Variants in EPB41L4A observed in about 807,000 individuals in gnomAD.
The protein encoded by EPB41L4A is band 4.1-like protein 4A.
In EPB41L4A, 100 loss-of-function variants were observed where a neutral mutation model predicts 108.6. The observed-to-expected ratio is 0.92, with a 90% CI of 0.78 to 1.09. The LOEUF (loss-of-function observed/expected upper bound fraction) is 1.09. EPB41L4A is among the 50% of genes least tolerant of loss of function. The pLI is 0.00. For synonymous variants in EPB41L4A, 319 were observed against 289.0 expected (o/e 1.10, Z -1.05); for missense variants, 1,030 against 842.7 (o/e 1.22, Z -2.75).
chr5:112,284,435 G>C (rs962101517), intron 2 of EPB41L4A, among the ~76,000 whole-genome samples: 2 of 152,150 alleles, frequency 1.3e-5, no homozygotes, highest in Non-Finnish European at 2.9e-5. Context: ...TGCATAGCCA[G>C]ATGGTCACGA....
chr5:112,296,102 C>G (rs1255757461), intron 2 of EPB41L4A, among the ~76,000 whole-genome samples: 1 of 152,078 alleles, frequency 6.6e-6, no homozygotes, highest in African/African-American at 2.4e-5. Context: ...ATGTTGGAGA[C>G]TTTCCATAAG....
chr5:112,157,004 G>A (rs1198774392), intron 12 of EPB41L4A, among the ~76,000 whole-genome samples: 4 of 152,132 alleles, frequency 2.6e-5, no homozygotes, highest in African/African-American at 7.2e-5. Flanking sequence ...TGGTGATATG[G>A]ATGTGGGAGG....
In EPB41L4A at chr5:112,170,959, T is replaced by A. The variant is rs779599281; in HGVS notation, c.1656A>T (p.Leu552Phe). The A allele has an allele frequency of 2.0e-5, 32 of 1,613,646 alleles. No homozygotes were observed. Among genetic ancestry groups the A allele is most frequent in the Non-Finnish European group, 2.6e-5 (31 of 1,179,548 alleles). Residue 552 changes from leucine to phenylalanine, a missense_variant, in exon 19 of 23, where the codon TTA becomes TTT. Physicochemically the swap from Leu to Phe is conservative, Grantham distance 22 (BLOSUM62 0). Transcript: ENST00000261486. Reference protein sequence around the residue: ...RSPDIQAKEELWKHIQKELVD... With the variant: ...RSPDIQAKEEFWKHIQKELVD... ...CTATTACTCACTGAATGTGCTTCCA[T>A]AACTCTTCTTTTGCTTGGATATCGG...
intron 1 of EPB41L4A, among the ~76,000 whole-genome samples, chr5:112,366,782 G>T (rs2112516478): frequency 6.6e-6 from 1 of 152,266 alleles, no homozygotes; most frequent in East Asian, 1.9e-4. Flanking sequence ...GTGCACTGCA[G>T]GAGGAAGGGC....
chr5:112,218,821 G>T (rs1051203949), intron 12 of EPB41L4A, among the ~76,000 whole-genome samples: 4 of 151,986 alleles, frequency 2.6e-5, no homozygotes, highest in African/African-American at 9.7e-5. Context: ...CTCACTAAAA[G>T]AATTTTGAAA....
intron 1 of EPB41L4A, among the ~76,000 whole-genome samples, chr5:112,313,317 C>T (rs575103341): frequency 3.8e-4 from 58 of 152,256 alleles, no homozygotes; most frequent in African/African-American, 1.1e-3. Flanking sequence ...GTAGGGTGGG[C>T]GCGGTGGCTC....
intron 1 of EPB41L4A, among the ~76,000 whole-genome samples, chr5:112,320,151 C>CA (rs1755681449): frequency 6.6e-6 from 1 of 152,192 alleles, no homozygotes; most frequent in African/African-American, 2.4e-5. Context: ...TTCTTCCACC[C>CA]AATAGAACTC....
chr5:112,279,942 C>T (rs900530817), intron 3 of EPB41L4A, among the ~76,000 whole-genome samples: 1 of 150,060 alleles, frequency 6.7e-6, no homozygotes, highest in African/African-American at 2.5e-5. Context: ...TGCAGCCCAC[C>T]TACCACCCCC....
At chr5:112,292,918 C>T (rs1469263347) in intron 2 of EPB41L4A, among the ~76,000 whole-genome samples, 3 of 151,972 alleles carry the variant, frequency 2.0e-5, no homozygotes, top group Non-Finnish European at 2.9e-5. Flanking sequence ...CTGATTTAAC[C>T]GGGGAGAAGG....
chr5:112,255,503 C>T (rs973352675), intron 9 of EPB41L4A, among the ~76,000 whole-genome samples: 12 of 152,126 alleles, frequency 7.9e-5, no homozygotes, highest in African/African-American at 2.9e-4. Flanking sequence ...TCCTACATTC[C>T]TAAATTCAGT....
chr5:112,372,481 G>T (rs10478081), intron 1 of EPB41L4A, among the ~76,000 whole-genome samples: 8,352 of 152,212 alleles, frequency 0.055, 474 homozygotes, highest in African/African-American at 0.14. Context: ...GGAAGGCTCT[G>T]TCTGAGAAGA....
chr5:112,281,493 G>T (rs1056318431), intron 2 of EPB41L4A, among the ~76,000 whole-genome samples: 5 of 152,190 alleles, frequency 3.3e-5, no homozygotes, highest in African/African-American at 1.2e-4. Flanking sequence ...GAGGGTCAGG[G>T]GAGGGCAGAG....
chr5:112,389,909 ACAAC>A (rs1420990894), intron 1 of EPB41L4A, among the ~76,000 whole-genome samples: 1 of 152,236 alleles, frequency 6.6e-6, no homozygotes, highest in African/African-American at 2.4e-5. Context: ...CGGAGGCTAC[ACAAC>A]CAGGGCAGTT....
At chr5:112,294,686 A>AC (rs1753881562) in intron 2 of EPB41L4A, among the ~76,000 whole-genome samples, 1 of 151,418 alleles carries the variant, frequency 6.6e-6, no homozygotes, top group East Asian at 1.9e-4. Flanking sequence ...AGCACATACA[A>AC]CCCCCCGAGA....
At chr5:112,275,527 G>T in intron 3 of EPB41L4A, 123 bp from the exon 4 acceptor site, 2 of 1,192,942 alleles carry the variant, frequency 1.7e-6, no homozygotes, top group Non-Finnish European at 2.2e-6. Flanking sequence ...GAAAACATAA[G>T]ATAAAAACAG....
At chr5:112,379,117 G>A (rs1760004487) in intron 1 of EPB41L4A, among the ~76,000 whole-genome samples, 1 of 152,172 alleles carries the variant, frequency 6.6e-6, no homozygotes, top group African/African-American at 2.4e-5. Flanking sequence ...CATTCCAAGA[G>A]GCGAGCACCC....
At chr5:112,248,795 G>A (rs1233931950) in intron 9 of EPB41L4A, among the ~76,000 whole-genome samples, 2 of 152,086 alleles carry the variant, frequency 1.3e-5, no homozygotes. Flanking sequence ...AAGGGCTCAC[G>A]TTGCCAGCAG....
At chr5:112,199,452 T>G (rs920647997) in intron 15 of EPB41L4A, among the ~76,000 whole-genome samples, 8 of 152,326 alleles carry the variant, frequency 5.3e-5, no homozygotes, top group Non-Finnish European at 7.3e-5. Context: ...ATGCTGGAGC[T>G]TCTTACAACT....
chr5:112,237,561 T>G (rs1048952617), intron 11 of EPB41L4A, among the ~76,000 whole-genome samples: 1 of 152,084 alleles, frequency 6.6e-6, no homozygotes, highest in African/African-American at 2.4e-5. Context: ...TGCAGCCACC[T>G]GTTAAGCTGT....
Sources: gnomAD v4.1 joint callset for allele counts (sites outside exome capture counted in the v4.1 genomes callset) on GRCh38, gnomAD v4.1.1 for gene constraint, MANE v1.5 for transcripts, NCBI Gene and HGNC (gene_info 2026-07-23, HGNC 2026-07-21) for gene names.